Variants in KCNJ3 observed in about 807,000 individuals in gnomAD.
KCNJ3 encodes the protein G protein-activated inward rectifier potassium channel 1.
In KCNJ3, 4 loss-of-function variants were observed where a neutral mutation model predicts 39.2. The ratio of observed to expected loss-of-function variants is 0.10; its 90% CI spans 0.05 to 0.23. KCNJ3 has a LOEUF of 0.23. Among genes scored for constraint, KCNJ3 ranks in the 10% least tolerant of loss-of-function variants. The pLI, the probability that KCNJ3 is intolerant of heterozygous loss-of-function variation, is 1.00. For missense variants in KCNJ3, 276 were observed against 634.9 expected, an observed-to-expected ratio of 0.43 and a Z score of 6.08; for synonymous variants, 230 against 237.4, an observed-to-expected ratio of 0.97 and a Z score of 0.29.
intron 2 of KCNJ3, among the ~76,000 whole-genome samples, chr2:154,826,677 C>T (rs1053591133): frequency 3.4e-4 from 52 of 152,112 alleles, no homozygotes; most frequent in Non-Finnish European, 4.6e-4. Flanking sequence ...GGGGTTGTCC[C>T]GCCATGAGAT....
Position 154,856,875 on chromosome 2 carries a change from C to A in KCNJ3, c.*1562C>A, listed in dbSNP as rs770618098. The A allele has an allele frequency of 3.9e-5, 6 of 152,060 alleles. No homozygotes were observed. The highest frequency in any genetic ancestry group is 8.8e-5 in the Non-Finnish European group (6 of 68,018). 9.4% of individuals were successfully genotyped at this position (152,060 alleles called of 1,614,324 possible). ...TATCATGGGTTTTCCTATAAAACTT[C>A]TTTAAGTATTGTAATTCCAGTCTGC... is the stretch of plus-strand genomic sequence containing the variant. On this transcript the variant is annotated 3_prime_UTR_variant, in exon 3 of 3. Coordinates refer to ENST00000295101, the MANE Select transcript of KCNJ3 (RefSeq NM_002239.4).
At chr2:154,837,020 T>A (rs777166546) in intron 2 of KCNJ3, among the ~76,000 whole-genome samples, 5 of 152,168 alleles carry the variant, frequency 3.3e-5, no homozygotes, top group Admixed American at 1.3e-4. Context: ...TCAATCATAG[T>A]TACACGAGGG....
chr2:154,848,337 GT>G (rs1687696521), intron 2 of KCNJ3, among the ~76,000 whole-genome samples: 1 of 151,986 alleles, frequency 6.6e-6, no homozygotes, highest in South Asian at 2.1e-4. Flanking sequence ...CTTATTTACA[GT>G]TTTGCTGTGA....
At chr2:154,711,923 C>A (rs917139957) in intron 2 of KCNJ3, among the ~76,000 whole-genome samples, 1 of 152,052 alleles carries the variant, frequency 6.6e-6, no homozygotes, top group Non-Finnish European at 1.5e-5. Context: ...ACAATACTTT[C>A]CACAGAAAAT....
chr2:154,736,156 T>C (rs1685525309), intron 2 of KCNJ3, among the ~76,000 whole-genome samples: 1 of 151,996 alleles, frequency 6.6e-6, no homozygotes, highest in Non-Finnish European at 1.5e-5. Context: ...TCTCTTGTCA[T>C]TGTAAATTAT....
At chr2:154,785,325 C>A (rs1412037433) in intron 2 of KCNJ3, among the ~76,000 whole-genome samples, 2 of 152,116 alleles carry the variant, frequency 1.3e-5, no homozygotes, top group African/African-American at 2.4e-5. Flanking sequence ...CTTCTGAGGA[C>A]CCTCCTCCTG....
chr2:154,759,876 G>A (rs1036135169), intron 2 of KCNJ3, among the ~76,000 whole-genome samples: 1 of 152,106 alleles, frequency 6.6e-6, no homozygotes, highest in African/African-American at 2.4e-5. Flanking sequence ...TCAATAATCA[G>A]CATTTTATTA....
At chr2:154,805,114 A>G (rs1477816756) in intron 2 of KCNJ3, among the ~76,000 whole-genome samples, 1 of 152,174 alleles carries the variant, frequency 6.6e-6, no homozygotes, top group Non-Finnish European at 1.5e-5. Flanking sequence ...TGTGGAATTG[A>G]AAAGTTGCAA....
intron 2 of KCNJ3, among the ~76,000 whole-genome samples, chr2:154,791,889 G>A (rs1266593986): frequency 1.3e-5 from 2 of 152,062 alleles, no homozygotes; most frequent in African/African-American, 2.4e-5. Context: ...TAGTACAGGC[G>A]AGATTTTGTA....
intron 2 of KCNJ3, among the ~76,000 whole-genome samples, chr2:154,838,022 ACTC>A (rs1430293900): frequency 2.0e-5 from 3 of 152,158 alleles, no homozygotes; most frequent in Non-Finnish European, 2.9e-5. Flanking sequence ...GATTGATTGA[ACTC>A]AAGTATGTAA....
intron 2 of KCNJ3, among the ~76,000 whole-genome samples, chr2:154,738,971 A>G (rs900206667): frequency 1.5e-4 from 23 of 152,242 alleles, no homozygotes; most frequent in African/African-American, 5.3e-4. Flanking sequence ...AAACCCACCC[A>G]AAGTTCTTAC....
At chr2:154,799,650 A>G (rs371487917) in intron 2 of KCNJ3, among the ~76,000 whole-genome samples, 1 of 152,116 alleles carries the variant, frequency 6.6e-6, no homozygotes, top group African/African-American at 2.4e-5. Context: ...CCCTCTTCCA[A>G]TCTACCATTC....
At chr2:154,720,553 T>C (rs1240739797) in intron 2 of KCNJ3, among the ~76,000 whole-genome samples, 1 of 152,088 alleles carries the variant, frequency 6.6e-6, no homozygotes, top group Non-Finnish European at 1.5e-5. Context: ...TCCTTGTCAT[T>C]TAAGTTGGAA....
intron 2 of KCNJ3, among the ~76,000 whole-genome samples, chr2:154,822,434 A>G (rs982547103): frequency 6.6e-6 from 1 of 152,208 alleles, no homozygotes; most frequent in African/African-American, 2.4e-5. Context: ...GACCAAATGA[A>G]ATAGTACTGT....
At chr2:154,726,464 A>T (rs1685359754) in intron 2 of KCNJ3, among the ~76,000 whole-genome samples, 1 of 152,016 alleles carries the variant, frequency 6.6e-6, no homozygotes, top group African/African-American at 2.4e-5. Context: ...AAAATAATAG[A>T]TGTTAGTGTG....
intron 2 of KCNJ3, among the ~76,000 whole-genome samples, chr2:154,804,103 A>G (rs529245764): frequency 1.3e-5 from 2 of 152,168 alleles, no homozygotes; most frequent in Non-Finnish European, 2.9e-5. Context: ...TTATAAAGAC[A>G]TAGCTAATAA....
intron 2 of KCNJ3, among the ~76,000 whole-genome samples, chr2:154,801,565 T>A (rs1410448971): frequency 1.3e-5 from 2 of 151,414 alleles, no homozygotes; most frequent in Non-Finnish European, 2.9e-5. Flanking sequence ...TTTTCTTTCT[T>A]TCTTTCTCTG....
intron 2 of KCNJ3, among the ~76,000 whole-genome samples, chr2:154,746,609 G>GAT (rs59587484): frequency 0.077 from 11,062 of 143,190 alleles, 483 homozygotes; most frequent in African/African-American, 0.12. Flanking sequence ...CGTATACACA[G>GAT]ATATATATAT....
At chr2:154,706,529 T>C (rs1301855113) in intron 1 of KCNJ3, among the ~76,000 whole-genome samples, 1 of 152,118 alleles carries the variant, frequency 6.6e-6, no homozygotes, top group Non-Finnish European at 1.5e-5. Context: ...GCATAACTCA[T>C]CTTTATTTTT....
Sources: allele counts gnomAD v4.1 joint callset (sites outside exome capture counted in the v4.1 genomes callset), GRCh38; gene constraint gnomAD v4.1.1; transcripts MANE v1.5; gene names NCBI Gene and HGNC (gene_info 2026-07-23, HGNC 2026-07-21).